DLG2: variants seen among roughly 807,000 people sequenced by gnomAD.
DLG2 encodes discs large MAGUK scaffold protein 2.
In DLG2, 45 loss-of-function variants were observed where a neutral mutation model predicts 132.5. The observed-to-expected ratio is 0.34, with a 90% CI of 0.27 to 0.44. The LOEUF is 0.44. Among genes scored for constraint, DLG2 ranks in the 20% least tolerant of loss-of-function variants. The pLI is 1.00. For missense variants in DLG2, 1,045 were observed against 1,196.9 expected, an observed-to-expected ratio of 0.87 and a Z score of 1.87; for synonymous variants, 424 against 419.6, an observed-to-expected ratio of 1.01 and a Z score of -0.13.
At chr11:83,540,468 G>A (rs528884287) in intron 20 of DLG2, among the ~76,000 whole-genome samples, 129 of 152,212 alleles carry the variant, frequency 8.5e-4, no homozygotes, top group Admixed American at 2.0e-3. Flanking sequence ...AGGCTCCCTG[G>A]AATTTCGGCA....
chr11:83,552,285 G>A (rs1482635595), intron 19 of DLG2, among the ~76,000 whole-genome samples: 1 of 152,114 alleles, frequency 6.6e-6, no homozygotes, highest in African/African-American at 2.4e-5. Flanking sequence ...GTTTTTTAAG[G>A]TAGGACTCGC....
chr11:85,580,634 A>G (rs2078451789), intron 3 of DLG2, among the ~76,000 whole-genome samples: 1 of 152,194 alleles, frequency 6.6e-6, no homozygotes, highest in Non-Finnish European at 1.5e-5. Context: ...AATTTACAGA[A>G]AGCAAAACTG....
chr11:85,399,992 G>T (rs1172711992), intron 3 of DLG2, among the ~76,000 whole-genome samples: 7 of 151,856 alleles, frequency 4.6e-5, no homozygotes, highest in Non-Finnish European at 1.0e-4. Context: ...GAGTGAACAG[G>T]CAACCTACAA....
chr11:85,296,796 G>C (rs2079251064), intron 3 of DLG2, among the ~76,000 whole-genome samples: 1 of 150,602 alleles, frequency 6.6e-6, no homozygotes, highest in Non-Finnish European at 1.5e-5. Context: ...CCAATTATCT[G>C]AAAATCAATT....
At chr11:85,215,928 C>T (rs192702314) in intron 4 of DLG2, among the ~76,000 whole-genome samples, 1 of 151,334 alleles carries the variant, frequency 6.6e-6, no homozygotes, top group East Asian at 1.9e-4. Flanking sequence ...TTAAAATATA[C>T]ACAATGCTTG....
At chr11:84,283,692 A>G (rs1412187661) in intron 7 of DLG2, among the ~76,000 whole-genome samples, 1 of 152,022 alleles carries the variant, frequency 6.6e-6, no homozygotes, top group Non-Finnish European at 1.5e-5. Context: ...TTTCCTCCAT[A>G]GTATTTACTT....
chr11:84,487,007 A>G (rs2099152736), intron 7 of DLG2, among the ~76,000 whole-genome samples: 1 of 152,134 alleles, frequency 6.6e-6, no homozygotes, highest in African/African-American at 2.4e-5. Flanking sequence ...ACTACCCAAA[A>G]TTGGAAGTGA....
At chr11:84,906,504 G>A (rs2091535012) in intron 6 of DLG2, among the ~76,000 whole-genome samples, 1 of 151,346 alleles carries the variant, frequency 6.6e-6, no homozygotes, top group African/African-American at 2.4e-5. Context: ...TATGAGACAG[G>A]AGACATGATA....
At chr11:85,527,283 C>A (rs1322599951) in intron 3 of DLG2, among the ~76,000 whole-genome samples, 1 of 151,652 alleles carries the variant, frequency 6.6e-6, no homozygotes, top group Admixed American at 6.6e-5. Flanking sequence ...CACCTATCGA[C>A]CCATCATCTA....
chr11:85,628,328 C>A (rs967855624), upstream of DLG2, among the ~76,000 whole-genome samples: 5 of 152,218 alleles, frequency 3.3e-5, no homozygotes, highest in Admixed American at 6.5e-5. Context: ...CCGCAGGACG[C>A]GAAGAGATCA....
intron 6 of DLG2, among the ~76,000 whole-genome samples, chr11:84,631,020 A>T (rs11825454): frequency 0.37 from 22,561 of 60,858 alleles, 2,247 homozygotes; most frequent in Non-Finnish European, 0.4. Flanking sequence ...TCTCTCTCTC[A>T]CACACACACA....
chr11:85,047,759 AAACT>A (rs1254161864), intron 6 of DLG2, among the ~76,000 whole-genome samples: 2 of 151,964 alleles, frequency 1.3e-5, no homozygotes, highest in Non-Finnish European at 1.5e-5. Context: ...AGTAGGAAAA[AAACT>A]AAATAAAAAA....
intron 11 of DLG2, among the ~76,000 whole-genome samples, chr11:83,999,792 C>T (rs1158987893): frequency 1.3e-5 from 2 of 152,052 alleles, no homozygotes; most frequent in Admixed American, 6.6e-5. Flanking sequence ...ACAAAGACTA[C>T]ATTATTGCAC....
At chr11:85,127,763 T>A (rs1016702593) in intron 5 of DLG2, among the ~76,000 whole-genome samples, 6 of 152,218 alleles carry the variant, frequency 3.9e-5, no homozygotes, top group Admixed American at 6.5e-5. Context: ...TTTCTCTACA[T>A]GAAGCTCTGG....
At chr11:84,667,950 C>G (rs1483968604) in intron 6 of DLG2, among the ~76,000 whole-genome samples, 2 of 152,068 alleles carry the variant, frequency 1.3e-5, no homozygotes, top group East Asian at 3.9e-4. Flanking sequence ...AATTGAGCAA[C>G]TTTTGAGGGT....
intron 8 of DLG2, among the ~76,000 whole-genome samples, chr11:84,193,951 G>A (rs1472699640): frequency 2.0e-5 from 3 of 152,120 alleles, no homozygotes; most frequent in South Asian, 4.1e-4. Context: ...AGGACTGCTG[G>A]CGTATGGAAC....
chr11:85,222,493 G>C (rs542471011), intron 4 of DLG2, among the ~76,000 whole-genome samples: 2 of 152,232 alleles, frequency 1.3e-5, no homozygotes, highest in East Asian at 3.9e-4. Flanking sequence ...CTTATTATGA[G>C]CCAGTTACTA....
At chr11:83,512,666 A>C (rs2095093206) in intron 21 of DLG2, among the ~76,000 whole-genome samples, 1 of 151,980 alleles carries the variant, frequency 6.6e-6, no homozygotes, top group Non-Finnish European at 1.5e-5. Flanking sequence ...ATATCTCCTA[A>C]TGCTATCCCT....
intron 6 of DLG2, among the ~76,000 whole-genome samples, chr11:84,734,279 G>C (rs537467114): frequency 6.6e-6 from 1 of 152,142 alleles, no homozygotes. Flanking sequence ...AGCATGGAAT[G>C]CTCTTCCATT....
Sources: allele counts gnomAD v4.1 joint callset (sites outside exome capture counted in the v4.1 genomes callset), GRCh38; gene constraint gnomAD v4.1.1; transcripts MANE v1.5; gene names NCBI Gene and HGNC (gene_info 2026-07-23, HGNC 2026-07-21).